Variants in ZDHHC24 observed in about 807,000 individuals in gnomAD.
ZDHHC24 encodes zDHHC palmitoyltransferase 24, also known as probable palmitoyltransferase ZDHHC24.
In ZDHHC24, 17 loss-of-function variants were observed where a neutral mutation model predicts 23.2. The ratio of observed to expected loss-of-function variants is 0.73; its 90% CI spans 0.50 to 1.10. ZDHHC24 has a LOEUF of 1.10. Ranked by LOEUF, ZDHHC24 falls within the 50% of genes least tolerant of loss-of-function variation. The probability of loss-of-function intolerance (pLI) is 0.00; values close to 1 mark genes in which losing one functional copy is unlikely to be tolerated. For missense variants in ZDHHC24, 366 were observed against 393.0 expected (o/e 0.93, Z 0.58); for synonymous variants, 186 against 194.5 (o/e 0.96, Z 0.36).
intron 4 of ZDHHC24, chr11:66,523,427 G>A: frequency 6.2e-7 from 1 of 1,614,090 alleles, no homozygotes; most frequent in Non-Finnish European, 8.5e-7. Context: ...ATTTCTCTGG[G>A]GCCAGACAGT....
rs775767682 is a variant in ZDHHC24 at position 66,543,777 on chromosome 11, C to G, written c.486G>C (p.Ser162=). The G allele has an allele frequency of 3.1e-6, 5 of 1,610,830 alleles. No homozygotes were observed. The African/African-American group carries it at 4.0e-5, about 13-fold the overall frequency. Residue 162 remains serine (S), a synonymous_variant, in exon 2 of 3, where the codon TCG becomes TCC. Transcript: ENST00000310442. ...HVSVLLGPAL[S]ALLRAHTPLH... The stretch of plus-strand genomic sequence containing the variant: ...GGGGCGTGTGGGCTCGCAGCAGGGC[C>G]GACAGTGCAGGGCCCAGCAGCACAG...
intron 4 of ZDHHC24, chr11:66,523,876 C>A: frequency 6.2e-7 from 1 of 1,613,190 alleles, no homozygotes; most frequent in East Asian, 2.2e-5. Flanking sequence ...ATGTCATCCA[C>A]ACCCCGGTGA....
rs1246171582 is a variant in ZDHHC24 at position 66,536,014 on chromosome 11, A to C, written c.*3515T>G. The C allele has an allele frequency of 6.6e-6, 1 of 152,260 alleles. No homozygotes were observed. Among genetic ancestry groups the C allele is most frequent in the Non-Finnish European group, 1.5e-5 (1 of 68,050 alleles). The allele number at this position is 152,260 out of a possible 1,614,324, so 9.4% of individuals were successfully genotyped here. A position where few individuals can be genotyped will look rare whatever the true frequency, so the allele number is the denominator to read the frequency against. Reference sequence around the variant, plus strand: ...CAGGAACATAATCAAGTGAAAAGGCAAACTGTAAAAGAATAAACTCTGCAT... The same window carrying C: ...CAGGAACATAATCAAGTGAAAAGGCCAACTGTAAAAGAATAAACTCTGCAT... On this transcript the variant is annotated 3_prime_UTR_variant, in exon 3 of 3. Coordinates refer to ENST00000310442, the MANE Select transcript of ZDHHC24 (RefSeq NM_207340.3).
chr11:66,526,707 T>C, intron 4 of ZDHHC24: 1 of 1,614,180 alleles, frequency 6.2e-7, no homozygotes, highest in Non-Finnish European at 8.5e-7. Flanking sequence ...AGGGAGGAAG[T>C]GAGGTGGGTC....
chr11:66,543,790 C>A lies in ZDHHC24; in HGVS notation c.473G>T (p.Gly158Val), dbSNP rs760218827. 6.2e-7 allele frequency: 1 copy of A among 1,612,368 alleles called. No individual in the cohort carries two copies. Residue 158 changes from glycine to valine, a missense_variant, in exon 2 of 3, where the codon GGC becomes GTC. By Grantham distance (109) the Gly-to-Val change is moderately radical (BLOSUM62 -3). Coordinates refer to ENST00000310442, the MANE Select transcript of ZDHHC24 (RefSeq NM_207340.3). Reference sequence around the variant, plus strand: ...TCGCAGCAGGGCCGACAGTGCAGGGCCCAGCAGCACAGAGACGTGGAGCAG... The same window carrying A: ...TCGCAGCAGGGCCGACAGTGCAGGGACCAGCAGCACAGAGACGTGGAGCAG... The part of the protein sequence containing the change: ...GVLLHVSVLL[G>V]PALSALLRAH...
At chr11:66,526,637 C>T in intron 4 of ZDHHC24, 1 of 1,614,202 alleles carries the variant, frequency 6.2e-7, no homozygotes, top group Non-Finnish European at 8.5e-7. Flanking sequence ...TTTCCACTGT[C>T]CACTTCCCTA....
chr11:66,543,943 C>T lies in ZDHHC24; in HGVS notation c.320G>A (p.Ser107Asn), dbSNP rs773802796. 1 of 1,613,704 alleles carries T rather than the reference C, an allele frequency of 6.2e-7. No individual in the cohort carries two copies. Among genetic ancestry groups the T allele is most frequent in the Non-Finnish European group, 8.5e-7 (1 of 1,179,758 alleles). ...YQCQSQVPPR[S>N]GHCSACRVCI... ...GACGCGGCAGGCAGAGCAGTGTCCG[C>T]TGCGTGGCGGCACCTGGCTTTGGCA... is the stretch of plus-strand genomic sequence containing the variant. The change falls in exon 2 of 3, where the codon AGC becomes AAC. Residue 107 changes from serine (S) to asparagine (N), a missense_variant. Transcript: ENST00000310442.
At chr11:66,520,930 G>T (rs1856188278), downstream of ZDHHC24, 1 of 366,730 alleles carries the variant, frequency 2.7e-6, no homozygotes, top group African/African-American at 2.1e-5. Flanking sequence ...TGTTGGACAG[G>T]CTGGTCTTGA....
chr11:66,521,037 A>G, downstream of ZDHHC24: 1 of 555,442 alleles, frequency 1.8e-6, no homozygotes, highest in South Asian at 2.0e-5. Flanking sequence ...GTTTAAGTAC[A>G]TCCTTAGGAT....
In ZDHHC24 at chr11:66,537,956, A is replaced by AAAATC. The variant is rs1565294880; in HGVS notation, c.*1572_*1573insGATTT. ...AAAATAAAATAAAATAAAATAAAAT[A>AAAATC]AAATAATAAAAAATTGTCAGCCAGG... On this transcript the variant is annotated 3_prime_UTR_variant, in exon 3 of 3. Coordinates refer to ENST00000310442, the MANE Select transcript of ZDHHC24 (RefSeq NM_207340.3). 1 of 144,108 alleles carries AAAATC rather than the reference A, an allele frequency of 6.9e-6. No homozygotes were observed. The highest frequency in any genetic ancestry group is 1.6e-5 in the Non-Finnish European group (1 of 62,972). 8.9% of individuals were successfully genotyped at this position (144,108 alleles called of 1,614,324 possible).
downstream of ZDHHC24, among the ~76,000 whole-genome samples, chr11:66,534,764 C>T (rs189947504): frequency 1.3e-5 from 2 of 152,178 alleles, no homozygotes; most frequent in African/African-American, 2.4e-5. Flanking sequence ...GGCGCGGTCT[C>T]GGCTCGCTGC....
Position 66,545,961 on chromosome 11 carries a change from CG to C in ZDHHC24, c.42del (p.Ala15ArgfsTer68). The part of the protein sequence containing the change: ...PWAAGSTDGA[P>X]AQLPLVLTAL... ...GCGGTGAGCACGAGAGGCAGCTGCGCGGGCGCCCCGTCCGTGCTCCCAGCCG... is the reference window on the plus strand; with the variant it reads ...GCGGTGAGCACGAGAGGCAGCTGCGCGGCGCCCCGTCCGTGCTCCCAGCCG... On this transcript the variant is annotated frameshift_variant, in exon 1 of 3. Transcript: ENST00000310442. LOFTEE classifies it high-confidence loss of function. This position sits in a 1 kb window ranked among gnomAD's most constrained non-coding sequence, Gnocchi z 4.5. 1 of 1,431,158 alleles carries C rather than the reference CG, an allele frequency of 7.0e-7. No homozygotes were observed. The highest frequency in any genetic ancestry group is 2.5e-4 in the Middle Eastern group (1 of 4,014). 88.7% of individuals were successfully genotyped at this position (1,431,158 alleles called of 1,614,324 possible). A position where few individuals can be genotyped will look rare whatever the true frequency, so the allele number is the denominator to read the frequency against.
Position 66,543,941 on chromosome 11 carries a change from C to G in ZDHHC24, c.322G>C (p.Gly108Arg), listed in dbSNP as rs201800945. 1 of 1,613,674 alleles carries G rather than the reference C, an allele frequency of 6.2e-7. No homozygotes were observed. Among genetic ancestry groups the G allele is most frequent in the African/African-American group, 1.3e-5 (1 of 75,032 alleles). Residue 108 changes from glycine (G) to arginine (R), a missense_variant, in exon 2 of 3, where the codon GGA (glycine) becomes CGA (arginine). Gly to Arg is a moderately radical substitution (Grantham distance 125). Transcript: ENST00000310442. ...QCQSQVPPRSGHCSACRVCIL... is the reference protein window; with the variant it reads ...QCQSQVPPRSRHCSACRVCIL... ...CAGACGCGGCAGGCAGAGCAGTGTC[C>G]GCTGCGTGGCGGCACCTGGCTTTGG...
At chr11:66,524,398 C>A in intron 4 of ZDHHC24, 1 of 214,142 alleles carries the variant, frequency 4.7e-6, no homozygotes, top group Non-Finnish European at 9.5e-6. Context: ...AAGGTAACAG[C>A]CAGCCAGAGA....
At chr11:66,535,447 C>A (rs144950934), downstream of ZDHHC24, among the ~76,000 whole-genome samples, 1,885 of 151,028 alleles carry the variant, frequency 0.012, 44 homozygotes, top group African/African-American at 0.043. Context: ...CTCAAGTGAT[C>A]CTCCCGCCTC....
chr11:66,532,154 C>T (rs1299277780), downstream of ZDHHC24: 1 of 1,104,992 alleles, frequency 9.0e-7, no homozygotes, highest in African/African-American at 1.6e-5. Context: ...CGTCTCCCCT[C>T]TCTTAAGCAC....
chr11:66,529,787 C>G lies in ZDHHC24; in HGVS notation c.560-299G>C, dbSNP rs201676112. On this transcript the variant is annotated intron_variant, in intron 2 of 4. Transcript: ENST00000526986. Reference sequence around the variant, plus strand: ...GCCTCCTCCCTGCCACCCCCCACCTCCACCGTCAGCCTCTGGGACCCTTCT... The same window carrying G: ...GCCTCCTCCCTGCCACCCCCCACCTGCACCGTCAGCCTCTGGGACCCTTCT... The G allele has an allele frequency of 3.0e-4, 480 of 1,608,518 alleles. 2 individuals carry two copies. In the East Asian group the frequency reaches 0.01, roughly 35 times the overall value.
chr11:66,531,122 G>T, downstream of ZDHHC24: 1 of 1,539,026 alleles, frequency 6.5e-7, no homozygotes, highest in Non-Finnish European at 8.8e-7. Context: ...CAGGGTCAGA[G>T]CGTGCGGGTG....
At chr11:66,523,262 G>A (rs1206677277) in intron 4 of ZDHHC24, 1 of 746,744 alleles carries the variant, frequency 1.3e-6, no homozygotes, top group Non-Finnish European at 2.3e-6. Flanking sequence ...AGTGAAGGTG[G>A]GAGGAAGACA....
Sources: allele counts gnomAD v4.1 joint callset (sites outside exome capture counted in the v4.1 genomes callset), GRCh38; gene constraint gnomAD v4.1.1; non-coding constraint Gnocchi (gnomAD v3.1); transcripts MANE v1.5; gene names NCBI Gene and HGNC (gene_info 2026-07-23, HGNC 2026-07-21).